Variants in ZNF638 observed in about 807,000 individuals in gnomAD.
ZNF638 encodes CTCL tumor antigen se33-1.
ZNF638 carries 46 observed loss-of-function variants against 195.6 expected under a neutral mutation model. That is an observed-to-expected ratio of 0.24 (90% CI 0.19 to 0.30). The LOEUF is 0.30. Among genes scored for constraint, ZNF638 ranks in the 10% least tolerant of loss-of-function variants. ZNF638 has a pLI of 1.00. For synonymous variants in ZNF638, 845 were observed against 772.0 expected (o/e 1.09, Z -1.57); for missense variants, 2,440 against 2,325.3 (o/e 1.05, Z -1.01).
intron 20 of ZNF638, among the ~76,000 whole-genome samples, chr2:71,417,312 G>A (rs1214025293): frequency 2.0e-5 from 3 of 151,080 alleles, no homozygotes; most frequent in Non-Finnish European, 4.4e-5. Context: ...CCCAGGTGAG[G>A]CAATGCCTCG....
At chr2:71,383,560 G>GTTTTT (rs57987492) in intron 10 of ZNF638, among the ~76,000 whole-genome samples, 31 of 122,102 alleles carry the variant, frequency 2.5e-4, no homozygotes, top group African/African-American at 7.9e-4. Context: ...TTCCTGGGTG[G>GTTTTT]TTTTTTTTTT....
intron 21 of ZNF638, among the ~76,000 whole-genome samples, chr2:71,419,158 A>C (rs1394085700): frequency 1.3e-5 from 2 of 152,194 alleles, no homozygotes; most frequent in Non-Finnish European, 2.9e-5. Context: ...AAGTCTCCAC[A>C]AACTGGTGAC....
intron 23 of ZNF638, among the ~76,000 whole-genome samples, chr2:71,425,643 T>C (rs922510866): frequency 6.6e-6 from 1 of 152,152 alleles, no homozygotes; most frequent in Middle Eastern, 3.2e-3. Context: ...TACAACTTTC[T>C]CAAAATGTAA....
chr2:71,427,407 C>G lies in ZNF638; in HGVS notation c.5538C>G (p.His1846Gln). ...ATCTAAAAACCATGATTGAAAGACA[C>G]TTAACAGGTAGATACTTGGAAGGGG... ...EEDLKTMIER[H>Q]LTAKTPTKRV... Residue 1846 changes from histidine (H) to glutamine (Q), a missense_variant, in exon 24 of 28, where the codon CAC becomes CAG. By Grantham distance (24) the His-to-Gln change is conservative. Transcript: ENST00000264447. 1 of 1,554,444 alleles carries G rather than the reference C, an allele frequency of 6.4e-7. No individual in the cohort carries two copies. Among genetic ancestry groups the G allele is most frequent in the South Asian group, 1.2e-5 (1 of 80,018 alleles).
chr2:71,382,608 A>G (rs538475089), intron 10 of ZNF638, among the ~76,000 whole-genome samples: 1 of 152,360 alleles, frequency 6.6e-6, no homozygotes, highest in South Asian at 2.1e-4. Context: ...ATTACTGAGT[A>G]GCTATTATAT....
At chr2:71,332,234 G>A (rs891147098) in intron 1 of ZNF638, among the ~76,000 whole-genome samples, 3 of 152,252 alleles carry the variant, frequency 2.0e-5, no homozygotes, top group Non-Finnish European at 4.4e-5. Flanking sequence ...CCCCAGCAGC[G>A]CCCGGCCTGC....
In ZNF638 at chr2:71,405,083, A is replaced by T. The variant is rs140198499; in HGVS notation, c.2959-518A>T. On this transcript the variant is annotated intron_variant, in intron 17 of 27. Transcript: ENST00000264447. Reference sequence around the variant, plus strand: ...AAAAAAGTTTAGGATCCTCAGTCTTATAAAGTCCAAGTTCCTTTGCCGCAC... The same window carrying T: ...AAAAAAGTTTAGGATCCTCAGTCTTTTAAAGTCCAAGTTCCTTTGCCGCAC... 4.6e-4 allele frequency among the ~76,000 whole-genome samples: 70 copies of T among 152,040 alleles called. No individual in the cohort carries two copies. The East Asian group carries it at 0.01, about 22-fold the overall frequency.
intron 7 of ZNF638, 127 bp from the exon 8 acceptor site, chr2:71,369,755 CA>C (rs2079275654): frequency 1.1e-6 from 1 of 897,844 alleles, no homozygotes; most frequent in Non-Finnish European, 1.6e-6. Context: ...TAAAAACAGG[CA>C]AAAGCAACCA....
chr2:71,424,727 A>G lies in ZNF638; in HGVS notation c.4590+12A>G, dbSNP rs745717883. 5 of 1,605,032 alleles carry G rather than the reference A, an allele frequency of 3.1e-6. No individual in the cohort carries two copies. The highest frequency in any genetic ancestry group is 4.3e-6 in the Non-Finnish European group (5 of 1,173,112). On this transcript the variant is annotated intron_variant, in intron 23 of 27. Coordinates refer to ENST00000264447, the MANE Select transcript of ZNF638 (RefSeq NM_014497.5). ...CCAAATCTAAAGAGGTAAAAAATAG[A>G]TCACAGACCCTAACCCTTCTTTTTC...
At chr2:71,398,912 A>G (rs2079948431) in intron 12 of ZNF638, 140 bp downstream of exon 12, 1 of 745,142 alleles carries the variant, frequency 1.3e-6, no homozygotes, top group Non-Finnish European at 2.2e-6. Flanking sequence ...ATTTTGTTGG[A>G]ATTTTATCTT....
chr2:71,392,859 C>T (rs764346715), intron 10 of ZNF638, among the ~76,000 whole-genome samples: 1 of 152,138 alleles, frequency 6.6e-6, no homozygotes, highest in African/African-American at 2.4e-5. Context: ...ATGTTACACA[C>T]GTCCCTAAAT....
intron 6 of ZNF638, among the ~76,000 whole-genome samples, chr2:71,366,326 C>T (rs182825715): frequency 1.5e-4 from 23 of 151,078 alleles, no homozygotes; most frequent in Admixed American, 1.2e-3. Context: ...CACCACTGCA[C>T]TCCAGCCTGA....
At chr2:71,388,439 A>G (rs1027328010) in intron 10 of ZNF638, 4 of 687,470 alleles carry the variant, frequency 5.8e-6, no homozygotes, top group East Asian at 2.8e-5. Flanking sequence ...CGGGGGCAAC[A>G]ACTACCCACA....
At chr2:71,359,353 A>G (rs772373808) in intron 3 of ZNF638, among the ~76,000 whole-genome samples, 1 of 152,196 alleles carries the variant, frequency 6.6e-6, no homozygotes, top group African/African-American at 2.4e-5. Flanking sequence ...GTTGCATAAG[A>G]CTTGGAGTTC....
chr2:71,394,998 T>G (rs1386876317), intron 10 of ZNF638, among the ~76,000 whole-genome samples: 1 of 152,178 alleles, frequency 6.6e-6, no homozygotes, highest in East Asian at 1.9e-4. Flanking sequence ...ATGGAACCAA[T>G]CAATACATAG....
chr2:71,373,661 G>T (rs530463335), intron 8 of ZNF638, among the ~76,000 whole-genome samples: 5 of 151,522 alleles, frequency 3.3e-5, no homozygotes, highest in Admixed American at 1.3e-4. Flanking sequence ...CTCGTGATCC[G>T]TCCGCCTCGG....
At chr2:71,356,152 A>ATC (rs1411411958) in intron 3 of ZNF638, among the ~76,000 whole-genome samples, 1 of 152,218 alleles carries the variant, frequency 6.6e-6, no homozygotes, top group Non-Finnish European at 1.5e-5. Flanking sequence ...AAACACCAGT[A>ATC]TTTAATTTTG....
chr2:71,428,639 C>A lies in ZNF638; in HGVS notation c.5638C>A (p.Gln1880Lys), dbSNP rs1400702932. 3.1e-6 allele frequency: 5 copies of A among 1,613,352 alleles called. No homozygotes were observed. Among genetic ancestry groups the A allele is most frequent in the Non-Finnish European group, 3.4e-6 (4 of 1,179,652 alleles). Residue 1880 changes from glutamine to lysine, a missense_variant, in exon 25 of 28, where the codon CAG (glutamine) becomes AAG (lysine). Around this residue, in one of 5 missense-constraint regions of ZNF638, gnomAD observed 1,883 missense variants for 1,739.1 expected, o/e 1.08. Transcript: ENST00000264447. ...ACCAGCAAAAGGTGAAGAGGCCTTC[C>A]AGATGAGTGAAGGTAAAGCAGGATT... ...TEPAKGEEAF[Q>K]MSEVDEESGL... is the part of the protein sequence containing the mutation.
intron 10 of ZNF638, among the ~76,000 whole-genome samples, chr2:71,394,004 A>G (rs1311575976): frequency 2.0e-5 from 3 of 152,222 alleles, no homozygotes; most frequent in African/African-American, 7.2e-5. Flanking sequence ...CAAACCGGGC[A>G]AGGCAATCAG....
Sources: gnomAD v4.1 joint callset for allele counts (sites outside exome capture counted in the v4.1 genomes callset) on GRCh38, gnomAD v4.1.1 for gene constraint, gnomAD v4.1.1 regional missense constraint, MANE v1.5 for transcripts, NCBI Gene and HGNC (gene_info 2026-07-23, HGNC 2026-07-21) for gene names.